Variants in RAMP1 observed in about 807,000 individuals in gnomAD.
RAMP1 encodes receptor activity modifying protein 1.
RAMP1 carries 7 observed loss-of-function variants against 8.2 expected under a neutral mutation model. The observed-to-expected ratio is 0.85, with a 90% CI of 0.49 to 1.60. The LOEUF (loss-of-function observed/expected upper bound fraction) is 1.60, where lower values mean the gene tolerates loss of function less well. Ranked by LOEUF, RAMP1 falls within the 40% of genes most tolerant of loss-of-function variation. The pLI is 0.00. For missense variants in RAMP1, 192 were observed against 202.4 expected (o/e 0.95, Z 0.31); for synonymous variants, 92 against 84.7 (o/e 1.09, Z -0.47).
intron 2 of RAMP1, among the ~76,000 whole-genome samples, chr2:237,890,067 T>G (rs1295021233): frequency 1.3e-5 from 2 of 152,086 alleles, no homozygotes; most frequent in Non-Finnish European, 2.9e-5. Flanking sequence ...CCCAGTAAAA[T>G]GGGTATAGAA....
chr2:237,872,617 C>T (rs757335007), intron 1 of RAMP1, among the ~76,000 whole-genome samples: 21 of 152,270 alleles, frequency 1.4e-4, no homozygotes, highest in East Asian at 1.9e-4. Context: ...CTGAGATGAG[C>T]GTGCCAGGGA....
intron 2 of RAMP1, among the ~76,000 whole-genome samples, chr2:237,895,685 C>T (rs758852546): frequency 4.0e-5 from 6 of 151,610 alleles, no homozygotes; most frequent in Non-Finnish European, 7.4e-5. Context: ...CTAGTGGCAT[C>T]GGGGGAGAGT....
chr2:237,896,616 G>C (rs1172269644), intron 2 of RAMP1, among the ~76,000 whole-genome samples: 1 of 152,240 alleles, frequency 6.6e-6, no homozygotes, highest in African/African-American at 2.4e-5. Context: ...ACACTCACGC[G>C]GGGAAACAGG....
At chr2:237,897,403 C>T (rs1459497144) in intron 2 of RAMP1, among the ~76,000 whole-genome samples, 2 of 152,210 alleles carry the variant, frequency 1.3e-5, no homozygotes, top group African/African-American at 4.8e-5. Context: ...ACAGTCACTG[C>T]GAGTGTTGCA....
At chr2:237,906,022 A>AC (rs2062647499) in intron 2 of RAMP1, among the ~76,000 whole-genome samples, 1 of 151,814 alleles carries the variant, frequency 6.6e-6, no homozygotes, top group East Asian at 1.9e-4. Context: ...AAAAAAAAAA[A>AC]AAAAAAAAGG....
intron 2 of RAMP1, among the ~76,000 whole-genome samples, chr2:237,890,736 C>G (rs540184493): frequency 1.3e-5 from 2 of 151,778 alleles, no homozygotes; most frequent in Admixed American, 1.3e-4. Context: ...TATTCCTTTA[C>G]GTGTTTAATA....
chr2:237,862,883 C>T lies in RAMP1; in HGVS notation c.52+3156C>T, dbSNP rs2062145854. ...GGAAAAGCTGCGTCTTTCCTCCAGGCTGGATCTGAGTGGGGCTGCCACAGT... is the reference window on the plus strand; with the variant it reads ...GGAAAAGCTGCGTCTTTCCTCCAGGTTGGATCTGAGTGGGGCTGCCACAGT... On this transcript the variant is annotated intron_variant, in intron 1 of 2. Coordinates refer to ENST00000254661, the MANE Select transcript of RAMP1 (RefSeq NM_005855.4). The surrounding 1 kb of genome is among the most constrained non-coding windows in gnomAD (Gnocchi z 4.0). Among the ~76,000 whole-genome samples the T allele has an allele frequency of 6.6e-6, 1 of 152,186 alleles. No homozygotes were observed. The highest frequency in any genetic ancestry group is 6.5e-5 in the Admixed American group (1 of 15,278).
rs1480354149 is a variant in RAMP1, at chr2:237,911,790, C to A, written c.*7C>A. The A allele has an allele frequency of 5.7e-6, 9 of 1,590,696 alleles. No individual in the cohort carries two copies. Among genetic ancestry groups the A allele is most frequent in the Non-Finnish European group, 7.7e-6 (9 of 1,167,574 alleles). On this transcript the variant is annotated 3_prime_UTR_variant, in exon 3 of 3. Transcript: ENST00000254661. ...CACTGAGGGCATTGTGTAGGCGGGG[C>A]CCAGGCTGCCCGCGGGTGCACCCAG...
chr2:237,882,408 C>G (rs909653015), intron 2 of RAMP1, among the ~76,000 whole-genome samples: 1 of 152,216 alleles, frequency 6.6e-6, no homozygotes, highest in East Asian at 1.9e-4. Context: ...GAGCACGTAA[C>G]GTACATTGGC....
intron 1 of RAMP1, among the ~76,000 whole-genome samples, chr2:237,876,731 C>G (rs1346066758): frequency 1.3e-5 from 2 of 152,166 alleles, no homozygotes; most frequent in Non-Finnish European, 2.9e-5. Flanking sequence ...GGGCAGGTCA[C>G]TGTTGCTCTG....
intron 1 of RAMP1, among the ~76,000 whole-genome samples, chr2:237,863,759 C>G (rs986709275): frequency 2.0e-5 from 3 of 151,798 alleles, no homozygotes; most frequent in African/African-American, 7.3e-5. Flanking sequence ...CCCCCCGACT[C>G]TACGTTCTCA....
intron 2 of RAMP1, among the ~76,000 whole-genome samples, chr2:237,907,466 G>A (rs2062665227): frequency 1.3e-5 from 2 of 152,058 alleles, no homozygotes; most frequent in Non-Finnish European, 2.9e-5. Flanking sequence ...TCATTTATAG[G>A]ATTGTCATGT....
intron 1 of RAMP1, among the ~76,000 whole-genome samples, chr2:237,870,564 G>A (rs2062235331): frequency 6.6e-6 from 1 of 152,242 alleles, no homozygotes; most frequent in Non-Finnish European, 1.5e-5. Context: ...TAATTTGGAA[G>A]GTAGACAGTC....
intron 1 of RAMP1, among the ~76,000 whole-genome samples, chr2:237,867,623 G>C (rs1576533476): frequency 6.6e-6 from 1 of 152,188 alleles, no homozygotes; most frequent in South Asian, 2.1e-4. Flanking sequence ...CTGGCAGGCC[G>C]CTGGCACTGG....
chr2:237,883,912 CTT>C (rs34291315), intron 2 of RAMP1, among the ~76,000 whole-genome samples: 6 of 92,984 alleles, frequency 6.5e-5, no homozygotes, highest in Admixed American at 1.3e-4. Flanking sequence ...TGTAGGTCCA[CTT>C]TTTTTTTTTT....
intron 2 of RAMP1, among the ~76,000 whole-genome samples, chr2:237,909,292 C>G (rs2062684660): frequency 6.6e-6 from 1 of 152,212 alleles, no homozygotes; most frequent in Non-Finnish European, 1.5e-5. Flanking sequence ...CCTCCATTTC[C>G]CTGTCTACAA....
At chr2:237,897,618 GGT>G (rs2062554154) in intron 2 of RAMP1, among the ~76,000 whole-genome samples, 2 of 152,152 alleles carry the variant, frequency 1.3e-5, no homozygotes, top group Admixed American at 6.5e-5. Flanking sequence ...TGGTAACAAA[GGT>G]GTGGAATGGA....
At chr2:237,887,401 T>C (rs1004967324) in intron 2 of RAMP1, among the ~76,000 whole-genome samples, 1 of 151,558 alleles carries the variant, frequency 6.6e-6, no homozygotes, top group Non-Finnish European at 1.5e-5. Context: ...ACCGAGTATC[T>C]TGCGGGACCT....
rs370264372 is a variant in RAMP1 at position 237,865,549 on chromosome 2, C to T, written c.52+5822C>T. Among the ~76,000 whole-genome samples, 30 of 152,312 alleles carry T rather than the reference C, an allele frequency of 2.0e-4. No individual in the cohort carries two copies. The East Asian group carries it at 5.8e-3, about 29-fold the overall frequency. On this transcript the variant is annotated intron_variant, in intron 1 of 2. Coordinates refer to ENST00000254661, the MANE Select transcript of RAMP1 (RefSeq NM_005855.4). The surrounding 1 kb of genome is among the most constrained non-coding windows in gnomAD (Gnocchi z 4.2). ...TCGCAGGGCCTCCTGTCATTTGCTGCACCTGGCAGCCCCGTCCTCAGCAGC... is the reference window on the plus strand; with the variant it reads ...TCGCAGGGCCTCCTGTCATTTGCTGTACCTGGCAGCCCCGTCCTCAGCAGC...
Sources: allele counts gnomAD v4.1 joint callset (sites outside exome capture counted in the v4.1 genomes callset), GRCh38; gene constraint gnomAD v4.1.1; non-coding constraint Gnocchi (gnomAD v3.1); transcripts MANE v1.5; gene names NCBI Gene and HGNC (gene_info 2026-07-23, HGNC 2026-07-21).